LGR5: variants seen among roughly 807,000 people sequenced by gnomAD.
The protein encoded by LGR5 is leucine-rich repeat-containing G protein-coupled receptor 5.
In LGR5, 54 loss-of-function variants were observed where a neutral mutation model predicts 76.7. The ratio of observed to expected loss-of-function variants is 0.70; its 90% CI spans 0.57 to 0.88. LGR5 has a LOEUF of 0.88. Among genes scored for constraint, LGR5 ranks in the 40% least tolerant of loss-of-function variants. LGR5 has a pLI of 0.00. For missense variants in LGR5, 1,078 were observed against 1,073.3 expected, an observed-to-expected ratio of 1.00 and a Z score of -0.06; for synonymous variants, 406 against 421.9, an observed-to-expected ratio of 0.96 and a Z score of 0.46.
At chr12:71,498,790 TG>T (rs1250314789) in intron 1 of LGR5, among the ~76,000 whole-genome samples, 1 of 152,204 alleles carries the variant, frequency 6.6e-6, no homozygotes, top group Non-Finnish European at 1.5e-5. Context: ...GAGGAAGGTA[TG>T]GGTATGGTAA....
chr12:71,482,165 C>T (rs1323057019), intron 1 of LGR5, among the ~76,000 whole-genome samples: 2 of 152,112 alleles, frequency 1.3e-5, no homozygotes, highest in Non-Finnish European at 2.9e-5. Flanking sequence ...GTGTGAAATT[C>T]ATGTGTACCA....
At chr12:71,468,992 C>T (rs966926568) in intron 1 of LGR5, among the ~76,000 whole-genome samples, 3 of 151,806 alleles carry the variant, frequency 2.0e-5, no homozygotes, top group Non-Finnish European at 2.9e-5. Context: ...TCACATTGTT[C>T]GAAAAGAGAA....
intron 1 of LGR5, among the ~76,000 whole-genome samples, chr12:71,487,580 C>T (rs771081474): frequency 1.4e-4 from 21 of 152,188 alleles, no homozygotes; most frequent in Middle Eastern, 3.4e-3. Flanking sequence ...ACACCCGGCT[C>T]ATTTTAAAAT....
chr12:71,494,699 T>C (rs1334202368), intron 1 of LGR5, among the ~76,000 whole-genome samples: 1 of 150,946 alleles, frequency 6.6e-6, no homozygotes, highest in African/African-American at 2.5e-5. Flanking sequence ...GACAAACCCA[T>C]AATATCCTGT....
rs1332327001 is a variant in LGR5 at position 71,440,981 on chromosome 12, G to A, written c.212+689G>A. On this transcript the variant is annotated intron_variant, in intron 1 of 17. Coordinates refer to ENST00000266674, the MANE Select transcript of LGR5 (RefSeq NM_003667.4). The surrounding 1 kb of genome is among the most constrained non-coding windows in gnomAD (Gnocchi z 5.3). ...CCTTTGGCTGCCCGCGCCGCCCTTT[G>A]AAGTGCCCGCGGCCGCTGTGTAATC... is the stretch of plus-strand genomic sequence containing the variant. 6.6e-6 allele frequency among the ~76,000 whole-genome samples: 1 copy of A among 152,100 alleles called. No homozygotes were observed. Among genetic ancestry groups the A allele is most frequent in the Non-Finnish European group, 1.5e-5 (1 of 68,022 alleles).
At chr12:71,514,948 A>G (rs1379630368) in intron 2 of LGR5, among the ~76,000 whole-genome samples, 1 of 152,218 alleles carries the variant, frequency 6.6e-6, no homozygotes, top group Non-Finnish European at 1.5e-5. Flanking sequence ...TTAGTTGATG[A>G]AATGTCATGA....
At position 71,462,119 on chromosome 12, in the gene LGR5, T is replaced by A. The variant is rs769540547; in HGVS notation, c.212+21827T>A. ...GCCAAATCAGTCTTTCTAAATTGAA[T>A]GCTGATCGTGTCACTTCCCTGCTCA... is the stretch of plus-strand genomic sequence containing the variant. On this transcript the variant is annotated intron_variant, in intron 1 of 17. Coordinates refer to ENST00000266674, the MANE Select transcript of LGR5 (RefSeq NM_003667.4). Among the ~76,000 whole-genome samples, 19 of 152,150 alleles carry A rather than the reference T, an allele frequency of 1.2e-4. 1 individual carries two copies. Among genetic ancestry groups the A allele is most frequent in the Non-Finnish European group, 1.8e-4 (12 of 68,028 alleles).
intron 1 of LGR5, among the ~76,000 whole-genome samples, chr12:71,492,143 T>C (rs1412017087): frequency 6.6e-6 from 1 of 152,072 alleles, no homozygotes; most frequent in Non-Finnish European, 1.5e-5. Context: ...CCCACAGATA[T>C]TGGGGTACTC....
intron 2 of LGR5, among the ~76,000 whole-genome samples, chr12:71,516,075 ATAAAG>A: frequency 1.3e-5 from 2 of 152,224 alleles, no homozygotes; most frequent in East Asian, 1.9e-4. Flanking sequence ...ACATGTTATA[ATAAAG>A]TAATCTTACA....
chr12:71,469,467 C>A (rs1873002173), intron 1 of LGR5, among the ~76,000 whole-genome samples: 1 of 152,172 alleles, frequency 6.6e-6, no homozygotes, highest in South Asian at 2.1e-4. Context: ...TCCGCGTGGG[C>A]GCTGGGAGTG....
intron 3 of LGR5, among the ~76,000 whole-genome samples, chr12:71,528,915 C>T (rs1476833369): frequency 6.6e-6 from 1 of 152,116 alleles, no homozygotes; most frequent in African/African-American, 2.4e-5. Context: ...ATGCTTGCTT[C>T]AGAATGTTAT....
chr12:71,511,372 A>C (rs1398691899), intron 2 of LGR5, among the ~76,000 whole-genome samples: 1 of 152,038 alleles, frequency 6.6e-6, no homozygotes, highest in East Asian at 1.9e-4. Context: ...ATGTGCCCCC[A>C]CCCCAACCTG....
intron 2 of LGR5, among the ~76,000 whole-genome samples, chr12:71,519,838 T>C (rs1694621220): frequency 2.7e-5 from 4 of 149,550 alleles, no homozygotes; most frequent in Non-Finnish European, 5.9e-5. Context: ...AAAATAATAA[T>C]AATAAATAAA....
chr12:71,451,807 G>A (rs1872261599), intron 1 of LGR5, among the ~76,000 whole-genome samples: 1 of 152,138 alleles, frequency 6.6e-6, no homozygotes, highest in Non-Finnish European at 1.5e-5. Flanking sequence ...CTCCTAGAGA[G>A]ACTGCCCCTC....
intron 4 of LGR5, among the ~76,000 whole-genome samples, chr12:71,548,762 C>G (rs1017573399): frequency 3.3e-5 from 5 of 151,798 alleles, no homozygotes; most frequent in Non-Finnish European, 7.4e-5. Flanking sequence ...TTGGCTGGAA[C>G]CTGGTACTTC....
At position 71,472,016 on chromosome 12, in the gene LGR5, G is replaced by A. The variant is rs1417704881; in HGVS notation, c.212+31724G>A. ...GACTCAGGGAAAAGGGTAGAAGGGC[G>A]GTGAGGGATAAAAGACGACACATTG... On this transcript the variant is annotated intron_variant, in intron 1 of 17. Transcript: ENST00000266674. Among the ~76,000 whole-genome samples, 8 of 152,210 alleles carry A rather than the reference G, an allele frequency of 5.3e-5. No individual in the cohort carries two copies. In the South Asian group the frequency reaches 6.2e-4, roughly 12 times the overall value.
intron 1 of LGR5, among the ~76,000 whole-genome samples, chr12:71,502,075 A>G (rs1874632428): frequency 6.6e-6 from 1 of 152,176 alleles, no homozygotes; most frequent in Non-Finnish European, 1.5e-5. Context: ...GTATTAGAAA[A>G]CAGGTGGTAA....
intron 3 of LGR5, among the ~76,000 whole-genome samples, chr12:71,530,724 T>A (rs1361017929): frequency 6.6e-6 from 1 of 152,192 alleles, no homozygotes; most frequent in African/African-American, 2.4e-5. Flanking sequence ...CATCAAAGAA[T>A]GGCTCATCCT....
At chr12:71,450,540 C>A (rs750894994) in intron 1 of LGR5, among the ~76,000 whole-genome samples, 1 of 152,106 alleles carries the variant, frequency 6.6e-6, no homozygotes, top group African/African-American at 2.4e-5. Context: ...GAACTCCTGG[C>A]CTCAAGTAAT....
Sources: allele counts gnomAD v4.1 joint callset (sites outside exome capture counted in the v4.1 genomes callset), GRCh38; gene constraint gnomAD v4.1.1; non-coding constraint Gnocchi (gnomAD v3.1); transcripts MANE v1.5; gene names NCBI Gene and HGNC (gene_info 2026-07-23, HGNC 2026-07-21).